The following SLC24A3 variants were observed in gnomAD, a reference collection of about 807,000 sequenced individuals.
SLC24A3 encodes solute carrier family 24 member 3.
SLC24A3 carries 28 observed loss-of-function variants against 75.8 expected under a neutral mutation model. That is an observed-to-expected ratio of 0.37 (90% CI 0.27 to 0.51). SLC24A3 has a LOEUF of 0.51. Ranked by LOEUF, SLC24A3 falls within the 20% of genes least tolerant of loss-of-function variation. The pLI is 0.94. For synonymous variants in SLC24A3, 372 were observed against 334.1 expected, an observed-to-expected ratio of 1.11 and a Z score of -1.24; for missense variants, 663 against 847.8, an observed-to-expected ratio of 0.78 and a Z score of 2.71.
chr20:19,337,657 A>G (rs1409224846), intron 2 of SLC24A3, among the ~76,000 whole-genome samples: 1 of 152,112 alleles, frequency 6.6e-6, no homozygotes, highest in Non-Finnish European at 1.5e-5. Flanking sequence ...CAGCTGTATA[A>G]CAAACTACGC....
rs554824490 is a variant in SLC24A3, at chr20:19,245,117, G to A, written c.142+32133G>A. On this transcript the variant is annotated intron_variant, in intron 1 of 16. Coordinates refer to ENST00000328041, the MANE Select transcript of SLC24A3 (RefSeq NM_020689.4). ...AAATGCTAGAAAGTTTGTCTCTTTT[G>A]ATCTGGGCTCTAGGTGGGGCTGGGG... Among the ~76,000 whole-genome samples the A allele has an allele frequency of 9.2e-5, 14 of 152,226 alleles. No homozygotes were observed. The South Asian group carries it at 2.9e-3, about 32-fold the overall frequency.
intron 2 of SLC24A3, among the ~76,000 whole-genome samples, chr20:19,503,843 C>T (rs1244887472): frequency 6.6e-6 from 1 of 152,188 alleles, no homozygotes; most frequent in Non-Finnish European, 1.5e-5. Flanking sequence ...CAAATACCTT[C>T]AAGCAGATGG....
intron 2 of SLC24A3, among the ~76,000 whole-genome samples, chr20:19,411,727 G>A (rs1470432642): frequency 6.6e-6 from 1 of 152,190 alleles, no homozygotes; most frequent in Non-Finnish European, 1.5e-5. Flanking sequence ...ATAATTGTAG[G>A]TTATGCTTTT....
intron 8 of SLC24A3, among the ~76,000 whole-genome samples, chr20:19,666,341 C>T (rs779386291): frequency 9.2e-5 from 14 of 151,778 alleles, no homozygotes; most frequent in Non-Finnish European, 1.6e-4. Flanking sequence ...CTCGTCTCTA[C>T]TAAAAATACA....
At chr20:19,639,022 T>G (rs1399685813) in intron 6 of SLC24A3, among the ~76,000 whole-genome samples, 1 of 152,182 alleles carries the variant, frequency 6.6e-6, no homozygotes, top group Non-Finnish European at 1.5e-5. Context: ...GGGTTGCCAC[T>G]GCTGGCTCCG....
intron 2 of SLC24A3, among the ~76,000 whole-genome samples, chr20:19,504,045 C>T (rs889563145): frequency 1.3e-5 from 2 of 152,158 alleles, no homozygotes; most frequent in Non-Finnish European, 2.9e-5. Flanking sequence ...TTCCCCTAAC[C>T]ATGGTAGACA....
chr20:19,231,434 CACATGGTTCTTGTAAA>C (rs1199610611), intron 1 of SLC24A3, among the ~76,000 whole-genome samples: 1 of 152,168 alleles, frequency 6.6e-6, no homozygotes, highest in Non-Finnish European at 1.5e-5. Context: ...TCCGTGCAAT[CACATGGTTCTTGTAAA>C]ACAGGGAGGC....
At chr20:19,428,170 G>A (rs542620205) in intron 2 of SLC24A3, among the ~76,000 whole-genome samples, 1 of 152,320 alleles carries the variant, frequency 6.6e-6, no homozygotes, top group Non-Finnish European at 1.5e-5. Context: ...CATGAGCCCG[G>A]TCTGGTTGTG....
chr20:19,511,250 C>G (rs900058713), intron 2 of SLC24A3, among the ~76,000 whole-genome samples: 5 of 152,146 alleles, frequency 3.3e-5, no homozygotes, highest in Admixed American at 3.3e-4. Context: ...CTTGAGGGCC[C>G]CAGCCTAAGG....
At position 19,420,658 on chromosome 20, in the gene SLC24A3, A is replaced by T. The variant is rs1986902717; in HGVS notation, c.272-94830A>T. ...GATTCAATGCCATCCCCATCAAGCT[A>T]CCAATGACTTTCTTCACAGAATTGG... is the stretch of plus-strand genomic sequence containing the variant. On this transcript the variant is annotated intron_variant, in intron 2 of 16. Transcript: ENST00000328041. Among the ~76,000 whole-genome samples the T allele has an allele frequency of 2.1e-5, 2 of 93,792 alleles. 1 individual carries two copies. The highest frequency in any genetic ancestry group is 4.0e-5 in the Non-Finnish European group (2 of 50,078). The allele number at this position is 93,792 out of a possible 152,430, so 61.5% of individuals were successfully genotyped here.
At chr20:19,303,966 C>T (rs1984261178) in intron 2 of SLC24A3, among the ~76,000 whole-genome samples, 1 of 152,158 alleles carries the variant, frequency 6.6e-6, no homozygotes, top group East Asian at 1.9e-4. Context: ...CCGTGTTTCA[C>T]AAAAACCAGG....
At chr20:19,367,480 G>A (rs1985912776) in intron 2 of SLC24A3, among the ~76,000 whole-genome samples, 1 of 134,236 alleles carries the variant, frequency 7.4e-6, no homozygotes, top group Non-Finnish European at 1.6e-5. Flanking sequence ...AACAAAAAAA[G>A]AAGCCCTGCC....
chr20:19,524,029 G>A (rs1042649645), intron 3 of SLC24A3, among the ~76,000 whole-genome samples: 1 of 152,126 alleles, frequency 6.6e-6, no homozygotes, highest in African/African-American at 2.4e-5. Flanking sequence ...GTGGATAAAT[G>A]CCTGTTCCCT....
chr20:19,268,495 C>T (rs568161281), intron 1 of SLC24A3, among the ~76,000 whole-genome samples: 1 of 152,276 alleles, frequency 6.6e-6, no homozygotes, highest in South Asian at 2.1e-4. Flanking sequence ...ACGCAAAGGA[C>T]CTTAGAGGTC....
At chr20:19,257,295 A>G (rs147674466) in intron 1 of SLC24A3, among the ~76,000 whole-genome samples, 1 of 152,262 alleles carries the variant, frequency 6.6e-6, no homozygotes, top group Non-Finnish European at 1.5e-5. Flanking sequence ...CAAAAAATCT[A>G]TAGTCTAAGC....
intron 7 of SLC24A3, among the ~76,000 whole-genome samples, chr20:19,656,676 T>C (rs2032270935): frequency 1.3e-5 from 2 of 152,178 alleles, no homozygotes; most frequent in South Asian, 4.1e-4. Context: ...AGCCCTCTAC[T>C]TTGCTGAATT....
intron 6 of SLC24A3, among the ~76,000 whole-genome samples, chr20:19,628,691 T>G (rs1228521423): frequency 6.6e-6 from 1 of 152,042 alleles, no homozygotes; most frequent in Non-Finnish European, 1.5e-5. Context: ...GCAACAGTTC[T>G]GCTTGCTACA....
chr20:19,701,567 C>T (rs1290842853), intron 15 of SLC24A3, among the ~76,000 whole-genome samples: 2 of 152,068 alleles, frequency 1.3e-5, no homozygotes, highest in Admixed American at 6.5e-5. Context: ...TATTTAGTGG[C>T]TTTCTGTCTC....
At chr20:19,327,731 A>G (rs11905860) in intron 2 of SLC24A3, among the ~76,000 whole-genome samples, 10,814 of 152,146 alleles carry the variant, frequency 0.071, 1,229 homozygotes, top group African/African-American at 0.25. Flanking sequence ...TCATGGTCTG[A>G]TGCATGGGTG....
Sources: allele counts gnomAD v4.1 joint callset (sites outside exome capture counted in the v4.1 genomes callset), GRCh38; gene constraint gnomAD v4.1.1; transcripts MANE v1.5; gene names NCBI Gene and HGNC (gene_info 2026-07-23, HGNC 2026-07-21).